Variants in ABTB2 observed in about 807,000 individuals in gnomAD.
ABTB2 encodes the protein ankyrin repeat and BTB/POZ domain-containing protein 2.
Under a neutral mutation model 104.1 loss-of-function variants are expected in ABTB2, and 56 were observed. The ratio of observed to expected loss-of-function variants is 0.54; its 90% CI spans 0.43 to 0.67. The LOEUF (loss-of-function observed/expected upper bound fraction) is 0.67. Among genes scored for constraint, ABTB2 ranks in the 30% least tolerant of loss-of-function variants. The probability of loss-of-function intolerance (pLI) is 0.00; values close to 1 mark genes in which losing one functional copy is unlikely to be tolerated. For missense variants in ABTB2, 1,279 were observed against 1,407.7 expected (o/e 0.91, Z 1.46); for synonymous variants, 606 against 608.2 (o/e 1.00, Z 0.05).
chr11:34,283,911 C>A (rs1854475206), intron 1 of ABTB2, among the ~76,000 whole-genome samples: 1 of 152,206 alleles, frequency 6.6e-6, no homozygotes, highest in Non-Finnish European at 1.5e-5. Flanking sequence ...GCTTCACTAG[C>A]CAGTTTTATG....
At position 34,196,415 on chromosome 11, in the gene ABTB2, G is replaced by A. The variant is rs530164917; in HGVS notation, c.1244+910C>T. 1.8e-4 allele frequency among the ~76,000 whole-genome samples: 28 copies of A among 152,272 alleles called. 1 individual carries two copies. The highest frequency in any genetic ancestry group is 6.2e-4 in the South Asian group (3 of 4,830). ...AAAAATACAAAAAAATTAGCCAGGC[G>A]TGGTGGCGGGCACCTGTAGTCCCAG... On this transcript the variant is annotated intron_variant, in intron 3 of 16. Transcript: ENST00000435224.
chr11:34,216,005 A>G (rs1853545330), intron 1 of ABTB2, among the ~76,000 whole-genome samples: 1 of 152,260 alleles, frequency 6.6e-6, no homozygotes, highest in Middle Eastern at 3.4e-3. Context: ...GCATTCATTC[A>G]CTCATTTATT....
At chr11:34,277,716 CT>C (rs1854400186) in intron 1 of ABTB2, among the ~76,000 whole-genome samples, 1 of 150,770 alleles carries the variant, frequency 6.6e-6, no homozygotes, top group Non-Finnish European at 1.5e-5. Flanking sequence ...GGAGGCAGAG[CT>C]TATAATGAGC....
chr11:34,186,753 G>A (rs1203762936), intron 3 of ABTB2, among the ~76,000 whole-genome samples: 2 of 152,120 alleles, frequency 1.3e-5, no homozygotes, highest in East Asian at 1.9e-4. Context: ...TTCCTGCCCC[G>A]AATCCCTGGC....
chr11:34,167,430 G>T, intron 6 of ABTB2, 70 bp from the exon 7 acceptor site: 2 of 1,245,178 alleles, frequency 1.6e-6, no homozygotes, highest in Non-Finnish European at 2.3e-6. Context: ...CAGGGATGGT[G>T]AACCAGAGTT....
At chr11:34,231,450 T>G (rs76302718) in intron 1 of ABTB2, among the ~76,000 whole-genome samples, 96 of 152,268 alleles carry the variant, frequency 6.3e-4, no homozygotes, top group African/African-American at 2.1e-3. Context: ...AGAGTGGACG[T>G]GGCCTGAGGG....
At chr11:34,227,795 C>T (rs1014582308) in intron 1 of ABTB2, among the ~76,000 whole-genome samples, 1 of 151,216 alleles carries the variant, frequency 6.6e-6, no homozygotes, top group African/African-American at 2.4e-5. Flanking sequence ...AGTGCAATGG[C>T]ATGATCTTGG....
At chr11:34,160,509 C>T (rs951467391) in intron 11 of ABTB2, among the ~76,000 whole-genome samples, 156 bp from the exon 12 acceptor site, 1 of 152,024 alleles carries the variant, frequency 6.6e-6, no homozygotes, top group African/African-American at 2.4e-5. Context: ...GATGCCTGTT[C>T]CTTCATCAGT....
At chr11:34,164,310 C>T (rs1016043736) in intron 9 of ABTB2, among the ~76,000 whole-genome samples, 2 of 152,222 alleles carry the variant, frequency 1.3e-5, no homozygotes, top group Admixed American at 1.3e-4. Flanking sequence ...CACAGCTGAG[C>T]CGTATGCTAT....
chr11:34,345,977 C>A (rs1389322998), intron 1 of ABTB2, among the ~76,000 whole-genome samples: 1 of 152,184 alleles, frequency 6.6e-6, no homozygotes, highest in Non-Finnish European at 1.5e-5. Context: ...CCCATTTCCC[C>A]AGCCTCTCAT....
chr11:34,166,758 A>G (rs1448240461), intron 7 of ABTB2, among the ~76,000 whole-genome samples: 2 of 152,158 alleles, frequency 1.3e-5, no homozygotes, highest in East Asian at 1.9e-4. Context: ...CAGCACAGCT[A>G]CCTGAGCTGA....
intron 1 of ABTB2, among the ~76,000 whole-genome samples, chr11:34,229,515 C>T (rs1005361101): frequency 1.5e-4 from 22 of 151,138 alleles, no homozygotes; most frequent in Non-Finnish European, 2.7e-4. Flanking sequence ...ATTATTTATT[C>T]TTTGCTACCA....
intron 1 of ABTB2, among the ~76,000 whole-genome samples, chr11:34,266,498 C>A (rs1471364430): frequency 2.6e-5 from 4 of 152,216 alleles, no homozygotes; most frequent in Admixed American, 2.6e-4. Flanking sequence ...ACTATGCACT[C>A]CTCCAGCAAG....
In ABTB2 at chr11:34,315,732, A is replaced by C. The variant is rs553485717; in HGVS notation, c.883+40969T>G. 2.4e-3 allele frequency among the ~76,000 whole-genome samples: 363 copies of C among 152,294 alleles called. 2 individuals are homozygous for C. Among genetic ancestry groups the C allele is most frequent in the African/African-American group, 8.4e-3 (351 of 41,558 alleles). On this transcript the variant is annotated intron_variant, in intron 1 of 16. Transcript: ENST00000435224. Reference sequence around the variant, plus strand: ...TGGTAAGTATAGTTCTGAAATGCGCAGGTCTCCTTAAATTCAATTTCCCTT... The same window carrying C: ...TGGTAAGTATAGTTCTGAAATGCGCCGGTCTCCTTAAATTCAATTTCCCTT...
intron 1 of ABTB2, among the ~76,000 whole-genome samples, chr11:34,210,794 G>A (rs938577449): frequency 8.5e-5 from 13 of 152,308 alleles, no homozygotes; most frequent in African/African-American, 1.7e-4. Flanking sequence ...TACTGCACTC[G>A]CAAGGAAACT....
rs866482266 is a variant in ABTB2, at chr11:34,300,286, A to C, written c.883+56415T>G. ...TGGGAGACGTACTGAAGGCCTTTCA[A>C]TTTCCAAAGCCATGATCAGAATGAA... On this transcript the variant is annotated intron_variant, in intron 1 of 16. Coordinates refer to ENST00000435224, the MANE Select transcript of ABTB2 (RefSeq NM_145804.3). 1.1e-4 allele frequency among the ~76,000 whole-genome samples: 17 copies of C among 152,284 alleles called. 1 individual carries two copies. In the South Asian group the frequency reaches 3.5e-3, roughly 32 times the overall value.
At chr11:34,281,634 C>T (rs1854450199) in intron 1 of ABTB2, among the ~76,000 whole-genome samples, 1 of 152,166 alleles carries the variant, frequency 6.6e-6, no homozygotes, top group African/African-American at 2.4e-5. Context: ...CCAGATGATT[C>T]CTAAGAGTCA....
At chr11:34,335,663 C>CATATCAAGTG in intron 1 of ABTB2, 1 of 1,419,806 alleles carries the variant, frequency 7.0e-7, no homozygotes, top group Non-Finnish European at 9.9e-7. Flanking sequence ...TGTGTCATCA[C>CATATCAAGTG]AAACTTGTGT....
At chr11:34,200,070 C>T (rs1853317523) in intron 2 of ABTB2, among the ~76,000 whole-genome samples, 1 of 152,088 alleles carries the variant, frequency 6.6e-6, no homozygotes, top group Non-Finnish European at 1.5e-5. Flanking sequence ...CCAGCCAACC[C>T]GCCTCACAGC....
Sources: gnomAD v4.1 joint callset for allele counts (sites outside exome capture counted in the v4.1 genomes callset) on GRCh38, gnomAD v4.1.1 for gene constraint, MANE v1.5 for transcripts, NCBI Gene and HGNC (gene_info 2026-07-23, HGNC 2026-07-21) for gene names.